Variants in ALDH1L1 observed in about 807,000 individuals in gnomAD.
ALDH1L1 encodes cytosolic 10-formyltetrahydrofolate dehydrogenase.
In ALDH1L1, 68 loss-of-function variants were observed where a neutral mutation model predicts 101.1. The observed-to-expected ratio is 0.67, with a 90% CI of 0.55 to 0.82. The LOEUF (loss-of-function observed/expected upper bound fraction) is 0.82, where lower values mean the gene tolerates loss of function less well. Among genes scored for constraint, ALDH1L1 ranks in the 40% least tolerant of loss-of-function variants. ALDH1L1 has a pLI of 0.00. For missense variants in ALDH1L1, 1,087 were observed against 1,172.7 expected, an observed-to-expected ratio of 0.93 and a Z score of 1.07; for synonymous variants, 486 against 470.8, an observed-to-expected ratio of 1.03 and a Z score of -0.42.
At chr3:126,117,925 C>T (rs942746325) in intron 17 of ALDH1L1, 80 bp downstream of exon 17, 49 of 1,367,976 alleles carry the variant, frequency 3.6e-5, no homozygotes, top group Non-Finnish European at 4.8e-5. Flanking sequence ...GGAAGCAGGA[C>T]ACAGCTCCTG....
chr3:126,168,589 C>T (rs1208338781), intron 1 of ALDH1L1, among the ~76,000 whole-genome samples: 4 of 152,002 alleles, frequency 2.6e-5, no homozygotes, highest in Admixed American at 1.3e-4. Context: ...TTCATAATAT[C>T]GAGGGTTTTA....
intron 12 of ALDH1L1, 97 bp downstream of exon 12, chr3:126,135,438 T>C: frequency 6.5e-7 from 1 of 1,533,630 alleles, no homozygotes. Context: ...ACCCAGCTCC[T>C]CCTGGCAGGT....
At chr3:126,164,418 T>G (rs2108311250) in intron 1 of ALDH1L1, among the ~76,000 whole-genome samples, 1 of 152,296 alleles carries the variant, frequency 6.6e-6, no homozygotes, top group Middle Eastern at 3.4e-3. Context: ...TTGTTCCCAT[T>G]TTATGTGCAT....
intron 17 of ALDH1L1, chr3:126,115,194 G>A (rs781074203): frequency 2.2e-5 from 9 of 410,064 alleles, no homozygotes; most frequent in Non-Finnish European, 3.0e-5. Flanking sequence ...CCAGAGGCTG[G>A]GGCACCTCCT....
At chr3:126,123,288 C>G (rs971249729) in intron 16 of ALDH1L1, among the ~76,000 whole-genome samples, 1 of 149,396 alleles carries the variant, frequency 6.7e-6, no homozygotes, top group Admixed American at 6.7e-5. Flanking sequence ...GACAGAGTCT[C>G]GCTCTGTTAC....
At chr3:126,122,010 A>G (rs2080089336) in intron 16 of ALDH1L1, among the ~76,000 whole-genome samples, 1 of 152,242 alleles carries the variant, frequency 6.6e-6, no homozygotes, top group South Asian at 2.1e-4. Flanking sequence ...AAGACAGTAC[A>G]TGACTGTATT....
At position 126,158,497 on chromosome 3, in the gene ALDH1L1, G is replaced by A; in HGVS notation, c.270C>T (p.Ile90=). 2 of 1,614,192 alleles carry A rather than the reference G, an allele frequency of 1.2e-6. No individual in the cohort carries two copies. The highest frequency in any genetic ancestry group is 1.7e-6 in the Non-Finnish European group (2 of 1,180,024). ...GGGGGGCACTGATTATCTCCATGGG[G>A]ATGAATTGGCTGCAGAAGGGCAGGA... ...LNVLPFCSQF[I]PMEIISAPRH... is the part of the protein sequence containing the mutation. The change falls in exon 3 of 23, where the codon ATC becomes ATT. Residue 90 remains isoleucine, a synonymous_variant. Coordinates refer to ENST00000393434, the MANE Select transcript of ALDH1L1 (RefSeq NM_012190.4).
intron 4 of ALDH1L1, chr3:126,155,704 C>T (rs2080891141): frequency 2.0e-6 from 1 of 504,536 alleles, no homozygotes; most frequent in African/African-American, 2.0e-5. Context: ...ACAGACCCGT[C>T]CTCTCTACCT....
intron 17 of ALDH1L1, chr3:126,115,185 CA>C: frequency 2.4e-6 from 1 of 420,340 alleles, no homozygotes. Flanking sequence ...TGCAGGGGCC[CA>C]GAGGCTGGGG....
intron 1 of ALDH1L1, among the ~76,000 whole-genome samples, chr3:126,166,636 C>G (rs1247427991): frequency 6.6e-6 from 1 of 151,664 alleles, no homozygotes; most frequent in Non-Finnish European, 1.5e-5. Context: ...TTTCATAAAC[C>G]ATGTTTTTCA....
chr3:126,120,118 G>A (rs2080049665), intron 16 of ALDH1L1, among the ~76,000 whole-genome samples: 1 of 152,240 alleles, frequency 6.6e-6, no homozygotes, highest in Non-Finnish European at 1.5e-5. Context: ...CAGCAACTGT[G>A]CTCCTTGATA....
intron 12 of ALDH1L1, 67 bp downstream of exon 12, chr3:126,135,468 T>TC (rs3216713): frequency 1.0e-5 from 16 of 1,559,124 alleles, no homozygotes; most frequent in Non-Finnish European, 1.2e-5. Context: ...TCCACAGAAG[T>TC]CCCCCCCGTG....
chr3:126,197,944 A>AG (rs2081590320), exon 1 of ALDH1L1: 1 of 92,570 alleles, frequency 1.1e-5, no homozygotes, highest in Non-Finnish European at 2.4e-5. Context: ...AAATTTATAG[A>AG]CAAAAAAAAA....
At chr3:126,137,763 G>C in intron 10 of ALDH1L1, 50 bp downstream of exon 10, 1 of 1,590,030 alleles carries the variant, frequency 6.3e-7, no homozygotes, top group Non-Finnish European at 8.6e-7. Flanking sequence ...CATAGATGCA[G>C]CTGCCTGAGG....
chr3:126,141,182 T>A (rs145904335), intron 9 of ALDH1L1, among the ~76,000 whole-genome samples: 1 of 152,098 alleles, frequency 6.6e-6, no homozygotes, highest in Non-Finnish European at 1.5e-5. Flanking sequence ...ATTATATTGA[T>A]ACAAAGTTTG....
At chr3:126,116,707 G>T (rs544635996) in intron 17 of ALDH1L1, among the ~76,000 whole-genome samples, 13 of 152,334 alleles carry the variant, frequency 8.5e-5, no homozygotes, top group South Asian at 4.1e-4. Flanking sequence ...CAGTGTCAGG[G>T]CTGGGGCAGG....
chr3:126,185,468 G>A (rs2081509898), upstream of ALDH1L1, among the ~76,000 whole-genome samples: 1 of 152,230 alleles, frequency 6.6e-6, no homozygotes, highest in Non-Finnish European at 1.5e-5. Flanking sequence ...GAAGAAAGCG[G>A]GTCTGGGTAC....
intron 17 of ALDH1L1, among the ~76,000 whole-genome samples, chr3:126,117,435 G>C (rs1442939585): frequency 6.6e-6 from 1 of 151,974 alleles, no homozygotes; most frequent in Non-Finnish European, 1.5e-5. Flanking sequence ...CAGGTGGATT[G>C]CTTGAGCCCA....
chr3:126,119,219 C>G (rs1317277214), intron 16 of ALDH1L1, among the ~76,000 whole-genome samples: 2 of 152,180 alleles, frequency 1.3e-5, no homozygotes, highest in Non-Finnish European at 2.9e-5. Flanking sequence ...GGTATGTCAC[C>G]CCCCAACCAA....
Sources: allele counts gnomAD v4.1 joint callset (sites outside exome capture counted in the v4.1 genomes callset), GRCh38; gene constraint gnomAD v4.1.1; transcripts MANE v1.5; gene names NCBI Gene and HGNC (gene_info 2026-07-23, HGNC 2026-07-21).